Variants in CTNNA2 observed in about 807,000 individuals in gnomAD.
CTNNA2 encodes the protein catenin alpha-2.
In CTNNA2, 42 loss-of-function variants were observed where a neutral mutation model predicts 101.0. That is an observed-to-expected ratio of 0.42 (90% CI 0.32 to 0.54). CTNNA2 has a LOEUF of 0.54. Ranked by LOEUF, CTNNA2 falls within the 20% of genes least tolerant of loss-of-function variation. CTNNA2 has a pLI of 0.14. For missense variants in CTNNA2, 871 were observed against 1,223.1 expected (o/e 0.71, Z 4.29); for synonymous variants, 450 against 456.4 (o/e 0.99, Z 0.18).
In CTNNA2 at chr2:80,179,668, C is replaced by T. The variant is rs550957458; in HGVS notation, c.1057-213543C>T. Among the ~76,000 whole-genome samples, 7 of 152,278 alleles carry T rather than the reference C, an allele frequency of 4.6e-5. No homozygotes were observed. In the South Asian group the frequency reaches 8.3e-4, roughly 18 times the overall value. On this transcript the variant is annotated intron_variant, in intron 7 of 18. Transcript: ENST00000402739. ...GATTACAGGTGTGAGCCACTGTGCCCGGCCAAGAATCACCACCTTTGCATA... is the reference window on the plus strand; with the variant it reads ...GATTACAGGTGTGAGCCACTGTGCCTGGCCAAGAATCACCACCTTTGCATA...
intron 3 of CTNNA2, among the ~76,000 whole-genome samples, chr2:79,771,999 T>G: frequency 7.5e-6 from 1 of 133,778 alleles, no homozygotes; most frequent in Non-Finnish European, 1.6e-5. Flanking sequence ...TAACCCCCCC[T>G]CCTCCCCTCC....
intron 7 of CTNNA2, among the ~76,000 whole-genome samples, chr2:79,933,589 G>A (rs1687593409): frequency 1.3e-5 from 2 of 151,984 alleles, no homozygotes; most frequent in Admixed American, 1.3e-4. Flanking sequence ...CTAGTAGCCA[G>A]GATTACAGGC....
chr2:79,621,255 A>G (rs1456218416), intron 1 of CTNNA2, among the ~76,000 whole-genome samples: 1 of 152,212 alleles, frequency 6.6e-6, no homozygotes, highest in African/African-American at 2.4e-5. Flanking sequence ...ACCTAGAAGC[A>G]ATGAGCACCT....
intron 1 of CTNNA2, among the ~76,000 whole-genome samples, chr2:79,551,977 A>G (rs1228971327): frequency 6.6e-6 from 1 of 152,020 alleles, no homozygotes; most frequent in African/African-American, 2.4e-5. Context: ...ATATCATTTC[A>G]CCTCTGGCCC....
At chr2:80,320,113 T>A (rs2025508986) in intron 7 of CTNNA2, among the ~76,000 whole-genome samples, 1 of 152,258 alleles carries the variant, frequency 6.6e-6, no homozygotes, top group African/African-American at 2.4e-5. Context: ...AAAGTTACTG[T>A]TAGAACCTAA....
chr2:80,361,774 C>G (rs1161962733), intron 7 of CTNNA2, among the ~76,000 whole-genome samples: 1 of 151,980 alleles, frequency 6.6e-6, no homozygotes. Context: ...CTCCTCCTTC[C>G]CCCCAAAACC....
At chr2:80,154,921 T>A (rs544353525) in intron 7 of CTNNA2, among the ~76,000 whole-genome samples, 98 of 152,340 alleles carry the variant, frequency 6.4e-4, no homozygotes, top group African/African-American at 2.0e-3. Context: ...AAAACTGAGA[T>A]GTAAAATATT....
intron 7 of CTNNA2, among the ~76,000 whole-genome samples, chr2:80,223,743 A>G (rs1012069425): frequency 1.3e-5 from 2 of 152,202 alleles, no homozygotes; most frequent in African/African-American, 4.8e-5. Flanking sequence ...TACAGAATGA[A>G]CTAGGCTCCC....
chr2:79,538,779 T>G (rs1192583021), intron 1 of CTNNA2, among the ~76,000 whole-genome samples: 1 of 152,192 alleles, frequency 6.6e-6, no homozygotes, highest in African/African-American at 2.4e-5. Context: ...CTGAGAGATT[T>G]GAGCTTTATT....
intron 9 of CTNNA2, among the ~76,000 whole-genome samples, chr2:80,524,305 C>G (rs1165899468): frequency 6.6e-6 from 1 of 152,118 alleles, no homozygotes; most frequent in Admixed American, 6.5e-5. Flanking sequence ...CCTCCACATT[C>G]CTTGTTCTCT....
At chr2:79,333,120 A>G (rs1676912943) in intron 3 of CTNNA2, among the ~76,000 whole-genome samples, 1 of 152,198 alleles carries the variant, frequency 6.6e-6, no homozygotes, top group Admixed American at 6.5e-5. Context: ...ATCATCAGAA[A>G]TGTAAGTTGT....
intron 7 of CTNNA2, among the ~76,000 whole-genome samples, chr2:79,967,422 A>C (rs2104557372): frequency 6.6e-6 from 1 of 152,210 alleles, no homozygotes; most frequent in African/African-American, 2.4e-5. Context: ...TAGCCCAACA[A>C]GTTTCACCTC....
intron 7 of CTNNA2, among the ~76,000 whole-genome samples, chr2:80,238,593 A>G (rs1416454970): frequency 5.3e-5 from 8 of 152,178 alleles, no homozygotes; most frequent in Admixed American, 5.2e-4. Context: ...CTCAGAGAAA[A>G]TAAGAACATG....
intron 7 of CTNNA2, among the ~76,000 whole-genome samples, chr2:80,160,273 C>G (rs577066123): frequency 6.6e-6 from 1 of 152,268 alleles, no homozygotes; most frequent in South Asian, 2.1e-4. Flanking sequence ...AAATTCGTTT[C>G]AGTATCCTAG....
intron 13 of CTNNA2, among the ~76,000 whole-genome samples, chr2:80,579,981 T>TCTATCAC (rs1695385755): frequency 6.6e-6 from 1 of 152,230 alleles, no homozygotes; most frequent in Non-Finnish European, 1.5e-5. Flanking sequence ...CAAGAGGCAG[T>TCTATCAC]CTGTGGAAGA....
chr2:80,220,322 G>A (rs1265443342), intron 7 of CTNNA2, among the ~76,000 whole-genome samples: 1 of 152,194 alleles, frequency 6.6e-6, no homozygotes, highest in Non-Finnish European at 1.5e-5. Context: ...TCTGCCACAT[G>A]GGCTCACAAA....
At chr2:80,463,343 A>G (rs1349414511) in intron 9 of CTNNA2, among the ~76,000 whole-genome samples, 3 of 152,198 alleles carry the variant, frequency 2.0e-5, no homozygotes, top group Non-Finnish European at 4.4e-5. Context: ...TCCTTTGTTC[A>G]TTAAGGTAGT....
chr2:80,320,355 G>C (rs1041675845), intron 7 of CTNNA2, among the ~76,000 whole-genome samples: 9 of 152,078 alleles, frequency 5.9e-5, no homozygotes, highest in Non-Finnish European at 1.2e-4. Flanking sequence ...TCCCAAAGTG[G>C]GGATCTATAT....
At position 79,687,298 on chromosome 2, in the gene CTNNA2, A is replaced by T. The variant is rs76528740; in HGVS notation, c.102+35640A>T. Among the ~76,000 whole-genome samples, 106 of 152,244 alleles carry T rather than the reference A, an allele frequency of 7.0e-4. 4 individuals are homozygous for T. The East Asian group carries it at 0.02, about 28-fold the overall frequency. ...CTGAAAAAGTGATACTCAAAATAGTATTGTCTTTTCCAAGTTCTAAGGAGC... is the reference window on the plus strand; with the variant it reads ...CTGAAAAAGTGATACTCAAAATAGTTTTGTCTTTTCCAAGTTCTAAGGAGC... On this transcript the variant is annotated intron_variant, in intron 2 of 18. Transcript: ENST00000402739.
Sources: gnomAD v4.1 joint callset for allele counts (sites outside exome capture counted in the v4.1 genomes callset) on GRCh38, gnomAD v4.1.1 for gene constraint, MANE v1.5 for transcripts, NCBI Gene and HGNC (gene_info 2026-07-23, HGNC 2026-07-21) for gene names.